The following CDKL5 variants were observed in gnomAD, a reference collection of about 807,000 sequenced individuals.
CDKL5 encodes cyclin dependent kinase like 5, also known as cyclin-dependent kinase-like 5.
In CDKL5, 8 loss-of-function variants were observed where a neutral mutation model predicts 61.7. That is an observed-to-expected ratio of 0.13 (90% CI 0.08 to 0.23). The LOEUF (loss-of-function observed/expected upper bound fraction) is 0.23, where lower values mean the gene tolerates loss of function less well. Ranked by LOEUF, CDKL5 falls within the 10% of genes least tolerant of loss-of-function variation. CDKL5 has a pLI of 1.00. For synonymous variants in CDKL5, 275 were observed against 272.3 expected, an observed-to-expected ratio of 1.01 and a Z score of -0.10; for missense variants, 440 against 734.5, an observed-to-expected ratio of 0.60 and a Z score of 4.63.
At chrX:18,499,544 C>T (rs1213594902) in intron 1 of CDKL5, among the ~76,000 whole-genome samples, 2 of 109,906 alleles carry the variant, frequency 1.8e-5, no homozygotes, top group African/African-American at 3.3e-5. Flanking sequence ...TGTATTTTTT[C>T]AGTAGAGACA....
intron 9 of CDKL5, chrX:18,588,458 A>AT (rs1313899570): frequency 1.1e-5 from 2 of 190,454 alleles, no homozygotes; most frequent in Non-Finnish European, 1.9e-5. Context: ...AATATTAAGC[A>AT]TCCCCCAAAT....
At chrX:18,444,613 C>T (rs1222800598) in intron 1 of CDKL5, among the ~76,000 whole-genome samples, 1 of 112,052 alleles carries the variant, frequency 8.9e-6, no homozygotes, top group Non-Finnish European at 1.9e-5. Context: ...CACTGTGCCC[C>T]ACCTCGAATA....
At chrX:18,645,798 C>T (rs1927747474) in intron 19 of CDKL5, among the ~76,000 whole-genome samples, 1 of 110,983 alleles carries the variant, frequency 9.0e-6, no homozygotes, top group African/African-American at 3.3e-5. Flanking sequence ...TTCCCATCCT[C>T]ATTTGGTAAT....
intron 1 of CDKL5, among the ~76,000 whole-genome samples, chrX:18,487,163 C>G (rs980179918): frequency 8.9e-6 from 1 of 111,799 alleles, no homozygotes; most frequent in African/African-American, 3.3e-5. Context: ...CTTAGGCTCT[C>G]AGTGCTTTAA....
chrX:18,551,649 C>T (rs1924393425), intron 3 of CDKL5, among the ~76,000 whole-genome samples: 1 of 104,258 alleles, frequency 9.6e-6, no homozygotes, highest in Non-Finnish European at 1.9e-5. Context: ...ACAGTTGCAG[C>T]GTCTCGGCTC....
rs753743927 is a variant in CDKL5, at chrX:18,500,842, T to A, written c.-162-6093T>A. On this transcript the variant is annotated intron_variant, in intron 1 of 17. Coordinates refer to ENST00000623535, the MANE Select transcript of CDKL5 (RefSeq NM_001323289.2). ...AGTATCCACTCACATCATTATTATT[T>A]TTTTTATTTGTTTTGAGACCGACTC... Among the ~76,000 whole-genome samples the A allele has an allele frequency of 4.7e-4, 52 of 111,374 alleles. 1 individual carries two copies. The highest frequency in any genetic ancestry group is 1.5e-3 in the African/African-American group (47 of 30,668).
downstream of CDKL5, chrX:18,640,434 A>ACCCCCCCCC (rs753767629): frequency 2.0e-5 from 1 of 49,195 alleles, no homozygotes; most frequent in Non-Finnish European, 3.6e-5. Context: ...AAGTCCCCCC[A>ACCCCCCCCC]CCCCCCCCCC....
intron 4 of CDKL5, among the ~76,000 whole-genome samples, chrX:18,564,971 C>T (rs1190562080): frequency 9.0e-6 from 1 of 111,487 alleles, no homozygotes; most frequent in African/African-American, 3.3e-5. Flanking sequence ...GTTAGAAATA[C>T]AAGGATATAT....
Position 18,639,335 on chromosome X carries a change from C to T in CDKL5, c.*10578C>T, listed in dbSNP as rs760595003. Among the ~76,000 whole-genome samples, 3 of 112,168 alleles carry T rather than the reference C, an allele frequency of 2.7e-5. No individual in the cohort carries two copies. Among genetic ancestry groups the T allele is most frequent in the Non-Finnish European group, 3.8e-5 (2 of 53,222 alleles). On this transcript the variant is annotated 3_prime_UTR_variant, in exon 18 of 18. Transcript: ENST00000623535. ...TTCTTAAACTCAGTAAGTTGTAAGC[C>T]GATTTAAAATGGGCAGAGGATCTGA...
At chrX:18,650,464 ACCGAGC>A (rs1220228406) in exon 21 of CDKL5, 1 of 1,210,047 alleles carries the variant, frequency 8.3e-7, no homozygotes, top group Non-Finnish European at 1.1e-6. Flanking sequence ...TGCGTCCCAA[ACCGAGC>A]CCTTCATCGT....
intron 10 of CDKL5, 75 bp downstream of exon 10, chrX:18,595,503 G>A: frequency 4.5e-6 from 3 of 665,464 alleles, no homozygotes; most frequent in Admixed American, 4.5e-5. Flanking sequence ...TGTGACCATA[G>A]CCTGCTTTTA....
intron 3 of CDKL5, among the ~76,000 whole-genome samples, chrX:18,553,584 C>T (rs904130675): frequency 1.8e-5 from 2 of 109,721 alleles, no homozygotes; most frequent in Admixed American, 9.8e-5. Flanking sequence ...CCTCCGCCTC[C>T]TGGATTCAAG....
At chrX:18,547,536 G>C (rs1359369455) in intron 3 of CDKL5, among the ~76,000 whole-genome samples, 2 of 112,070 alleles carry the variant, frequency 1.8e-5, no homozygotes, top group Non-Finnish European at 3.8e-5. Flanking sequence ...ATTTTATTCA[G>C]GTTTACAGTG....
intron 9 of CDKL5, 87 bp from the exon 10 acceptor site, chrX:18,595,261 A>T (rs1221775151): frequency 6.5e-6 from 4 of 618,760 alleles, no homozygotes; most frequent in Non-Finnish European, 1.1e-5. Context: ...ATTTTTGCTT[A>T]TCTGCTCCCT....
At chrX:18,441,753 C>T (rs1341836734) in intron 1 of CDKL5, among the ~76,000 whole-genome samples, 4 of 111,387 alleles carry the variant, frequency 3.6e-5, no homozygotes, top group South Asian at 7.6e-4. Flanking sequence ...TTCAGGTCTC[C>T]CCTTCGAAGT....
Position 18,646,150 on chromosome X carries a change from A to C in CDKL5, c.2797+60A>C, listed in dbSNP as rs1927765460. ...ATAACGACCCTAGACTACTGAATGA[A>C]ACTTTTTTTTTTCCTTTCTGAGACA... is the stretch of plus-strand genomic sequence containing the variant. On this transcript the variant is annotated intron_variant, in intron 20 of 21. Transcript: ENST00000379989. 5.8e-6 allele frequency: 7 copies of C among 1,206,138 alleles called. No individual in the cohort carries two copies. In the South Asian group the frequency reaches 1.1e-4, roughly 18 times the overall value.
chrX:18,456,196 C>A (rs1484684701), intron 1 of CDKL5, among the ~76,000 whole-genome samples: 1 of 110,162 alleles, frequency 9.1e-6, no homozygotes, highest in Non-Finnish European at 1.9e-5. Context: ...CCCACCACCA[C>A]GCCCAGCTAA....
intron 1 of CDKL5, among the ~76,000 whole-genome samples, chrX:18,466,609 C>G (rs887185345): frequency 6.3e-5 from 7 of 111,186 alleles, no homozygotes; most frequent in African/African-American, 2.3e-4. Context: ...CTCCTGGGCT[C>G]AAGAGATCCT....
intron 1 of CDKL5, among the ~76,000 whole-genome samples, chrX:18,488,656 A>G (rs1037120223): frequency 7.1e-5 from 8 of 111,947 alleles, no homozygotes; most frequent in African/African-American, 9.8e-5. Context: ...AAACCTTCCT[A>G]AATGATGGTG....
Sources: gnomAD v4.1 joint callset for allele counts (sites outside exome capture counted in the v4.1 genomes callset) on GRCh38, gnomAD v4.1.1 for gene constraint, MANE v1.5 for transcripts, NCBI Gene and HGNC (gene_info 2026-07-23, HGNC 2026-07-21) for gene names.